RANBP2: variants seen among roughly 807,000 people sequenced by gnomAD.
RANBP2 encodes E3 SUMO-protein ligase RanBP2.
Under a neutral mutation model 303.6 loss-of-function variants are expected in RANBP2, and 57 were observed. That is an observed-to-expected ratio of 0.19 (90% confidence interval 0.15 to 0.23). RANBP2 has a LOEUF of 0.23. RANBP2 is among the 10% of genes least tolerant of loss of function. The probability of loss-of-function intolerance (pLI) is 1.00; values close to 1 mark genes in which losing one functional copy is unlikely to be tolerated. For missense variants in RANBP2, 3,138 were observed against 3,780.8 expected, an observed-to-expected ratio of 0.83 and a Z score of 4.46; for synonymous variants, 1,167 against 1,301.5, an observed-to-expected ratio of 0.90 and a Z score of 2.23.
the RANBP2 span, among the ~76,000 whole-genome samples, chr2:109,714,086 A>C: frequency 0.031 from 4,654 of 151,852 alleles, 129 homozygotes; most frequent in Non-Finnish European, 0.039. Context: ...GTTCTTTTTT[A>C]TTTTTTCTTT....
chr2:109,218,632 C>G, the RANBP2 span, among the ~76,000 whole-genome samples: 1 of 152,156 alleles, frequency 6.6e-6, no homozygotes, highest in African/African-American at 2.4e-5. Flanking sequence ...CACAGAAATG[C>G]ACAGTTTGGG....
rs1260141739 is a variant in RANBP2 at position 108,768,153 on chromosome 2, T to G, written c.7614T>G (p.Ser2538Arg). ...EKSKPFAFGN[S>R]SATGSLFGFS... ...CAAAACCATTTGCATTCGGCAACAG[T>G]TCAGCCACTGGGTCTTTGTTTGGAT... The change falls in exon 20 of 29, where the codon AGT (serine) becomes AGG (arginine). Residue 2538 changes from serine to arginine, a missense_variant. Physicochemically the swap from Ser to Arg is moderately radical, Grantham distance 110. Coordinates refer to ENST00000283195, the MANE Select transcript of RANBP2 (RefSeq NM_006267.5). 1.2e-6 allele frequency: 2 copies of G among 1,612,052 alleles called. No individual in the cohort carries two copies. The highest frequency in any genetic ancestry group is 2.2e-5 in the South Asian group (2 of 90,994).
the RANBP2 span, among the ~76,000 whole-genome samples, chr2:109,108,242 T>C: frequency 6.6e-6 from 1 of 152,138 alleles, no homozygotes; most frequent in African/African-American, 2.4e-5. Context: ...GGTTTCACCA[T>C]GTTGGCTAGG....
chr2:108,898,213 C>A, the RANBP2 span, among the ~76,000 whole-genome samples: 1 of 152,136 alleles, frequency 6.6e-6, no homozygotes, highest in Non-Finnish European at 1.5e-5. Flanking sequence ...CCACCCTCAC[C>A]AGGCTGTAAC....
the RANBP2 span, among the ~76,000 whole-genome samples, chr2:109,073,939 G>GA: frequency 1.3e-5 from 2 of 149,912 alleles, no homozygotes; most frequent in East Asian, 3.9e-4. Flanking sequence ...TGACACAAAA[G>GA]AAAAAAAGTT....
chr2:108,923,462 G>A, the RANBP2 span: 1 of 1,613,754 alleles, frequency 6.2e-7, no homozygotes, highest in Non-Finnish European at 8.5e-7. Flanking sequence ...AGCTACGGGG[G>A]AGAGACAAGA....
chr2:108,759,631 G>T (rs1192674351), intron 18 of RANBP2, among the ~76,000 whole-genome samples: 1 of 152,130 alleles, frequency 6.6e-6, no homozygotes, highest in African/African-American at 2.4e-5. Flanking sequence ...CAAAATAACA[G>T]AAAATCTTTG....
At chr2:109,403,163 C>T in the RANBP2 span, among the ~76,000 whole-genome samples, 1 of 152,236 alleles carries the variant, frequency 6.6e-6, no homozygotes, top group Non-Finnish European at 1.5e-5. Context: ...GGGGACACTT[C>T]CCTGCTTCTC....
chr2:109,361,971 TTTGCTTGCTAGAAGCATATGATTTTTA>T, the RANBP2 span, among the ~76,000 whole-genome samples: 1 of 152,300 alleles, frequency 6.6e-6, no homozygotes, highest in East Asian at 1.9e-4. Context: ...TTTTTCTTAG[TTTGCTTGCTAGAAGCATATGATTTTTA>T]TTGATCTTTT....
At chr2:109,326,069 C>T in the RANBP2 span, among the ~76,000 whole-genome samples, 515 of 152,322 alleles carry the variant, frequency 3.4e-3, 5 homozygotes, top group African/African-American at 0.012. Context: ...GTATCCTGGG[C>T]GTATGCCACA....
the RANBP2 span, among the ~76,000 whole-genome samples, chr2:109,261,694 T>C: frequency 6.6e-6 from 1 of 152,150 alleles, no homozygotes; most frequent in Non-Finnish European, 1.5e-5. Context: ...AGGACTCTTA[T>C]TGAATTGGGT....
the RANBP2 span, among the ~76,000 whole-genome samples, chr2:108,961,717 G>C: frequency 0.25 from 38,271 of 152,058 alleles, 8,965 homozygotes; most frequent in East Asian, 0.94. Context: ...TTGGGTGGGT[G>C]CGGAAAAGCC....
chr2:109,724,976 G>A, the RANBP2 span, among the ~76,000 whole-genome samples: 1 of 152,162 alleles, frequency 6.6e-6, no homozygotes, highest in African/African-American at 2.4e-5. Flanking sequence ...GCAAACCTGA[G>A]TCAAACAAGG....
chr2:109,221,581 C>CAA, the RANBP2 span, among the ~76,000 whole-genome samples: 1,010 of 63,178 alleles, frequency 0.016, 15 homozygotes, highest in African/African-American at 0.043. Context: ...GACTCCATCT[C>CAA]AAAAAAAAAA....
chr2:109,167,171 C>T, the RANBP2 span, among the ~76,000 whole-genome samples: 1 of 152,138 alleles, frequency 6.6e-6, no homozygotes, highest in African/African-American at 2.4e-5. Flanking sequence ...TTCATTTTTC[C>T]ATTTTTTCCA....
the RANBP2 span, among the ~76,000 whole-genome samples, chr2:109,380,784 G>GC: frequency 2.0e-5 from 3 of 152,272 alleles, no homozygotes; most frequent in Admixed American, 1.3e-4. Context: ...CCCACCAGGT[G>GC]CCCCCCACCA....
chr2:109,144,284 C>T, the RANBP2 span, among the ~76,000 whole-genome samples: 1 of 152,124 alleles, frequency 6.6e-6, no homozygotes, highest in Non-Finnish European at 1.5e-5. Context: ...ACTTGTATAC[C>T]TTAAATATAT....
chr2:109,445,655 G>C, the RANBP2 span, among the ~76,000 whole-genome samples: 25 of 151,866 alleles, frequency 1.6e-4, no homozygotes, highest in South Asian at 5.2e-3. Flanking sequence ...TATGAGAGAA[G>C]GGATGAGCCA....
At chr2:109,503,232 T>C in the RANBP2 span, 1 of 152,264 alleles carries the variant, frequency 6.6e-6, no homozygotes, top group Non-Finnish European at 1.5e-5. Flanking sequence ...CAAATACCAT[T>C]CAGACTTAAA....
Sources: gnomAD v4.1 joint callset for allele counts (sites outside exome capture counted in the v4.1 genomes callset) on GRCh38, gnomAD v4.1.1 for gene constraint, MANE v1.5 for transcripts, NCBI Gene and HGNC (gene_info 2026-07-23, HGNC 2026-07-21) for gene names.